Variants in PAPPA2 observed in about 807,000 individuals in gnomAD.
PAPPA2 encodes pappalysin-2.
Under a neutral mutation model 176.4 loss-of-function variants are expected in PAPPA2, and 86 were observed. That is an observed-to-expected ratio of 0.49 (90% CI 0.41 to 0.58). The LOEUF (loss-of-function observed/expected upper bound fraction) is 0.58. PAPPA2 is among the 20% of genes least tolerant of loss of function. The pLI is 0.00. For missense variants in PAPPA2, 2,073 were observed against 2,256.9 expected (o/e 0.92, Z 1.65); for synonymous variants, 809 against 852.2 (o/e 0.95, Z 0.88).
chr1:176,771,121 C>A lies in PAPPA2; in HGVS notation c.4656C>A (p.Cys1552Ter). Residue 1552 changes from cysteine to a stop codon, truncating the protein, a stop_gained, in exon 17 of 23, where the codon TGC becomes TGA. Coordinates refer to ENST00000367662, the MANE Select transcript of PAPPA2 (RefSeq NM_020318.3). LOFTEE classifies it high-confidence loss of function. ...ACAACCACGACGTGGGCACCATCTGCAAATATGAATGCAAACCAGGGTACT... is the reference window on the plus strand; with the variant it reads ...ACAACCACGACGTGGGCACCATCTGAAAATATGAATGCAAACCAGGGTACT... ...LQDNHDVGTI[C>*]KYECKPGYYV... is the part of the protein sequence containing the mutation. 1 of 1,614,124 alleles carries A rather than the reference C, an allele frequency of 6.2e-7. No homozygotes were observed. The highest frequency in any genetic ancestry group is 8.5e-7 in the Non-Finnish European group (1 of 1,180,016).
At chr1:176,692,054 A>T in intron 5 of PAPPA2, 72 bp from the exon 6 acceptor site, 1 of 1,444,296 alleles carries the variant, frequency 6.9e-7, no homozygotes, top group Non-Finnish European at 9.5e-7. Context: ...CAAGACACAA[A>T]TTTATCCCTG....
intron 2 of PAPPA2, among the ~76,000 whole-genome samples, chr1:176,593,980 G>C (rs17623634): frequency 0.15 from 23,557 of 152,148 alleles, 2,087 homozygotes; most frequent in South Asian, 0.27. Context: ...TGATGTCTGG[G>C]ATGTTACCAT....
chr1:176,556,782 A>C lies in PAPPA2; in HGVS notation c.460A>C (p.Lys154Gln). The C allele has an allele frequency of 6.2e-7, 1 of 1,614,156 alleles. No homozygotes were observed. Among genetic ancestry groups the C allele is most frequent in the Non-Finnish European group, 8.5e-7 (1 of 1,180,014 alleles). ...DDAYLGNQRS[K>Q]ESLGEAGIQK... ...CGCTTATCTCGGCAATCAAAGATCCAAGGAGTCTCTAGGTGAGGCCGGGAT... is the reference window on the plus strand; with the variant it reads ...CGCTTATCTCGGCAATCAAAGATCCCAGGAGTCTCTAGGTGAGGCCGGGAT... The change falls in exon 2 of 23, where the codon AAG becomes CAG. Residue 154 changes from lysine (K) to glutamine (Q), a missense_variant. By Grantham distance (53) the Lys-to-Gln change is moderately conservative. Coordinates refer to ENST00000367662, the MANE Select transcript of PAPPA2 (RefSeq NM_020318.3).
rs189613127 is a variant in PAPPA2, at chr1:176,512,740, G to A, written c.-916-42667G>A. On this transcript the variant is annotated intron_variant, in intron 1 of 22. Transcript: ENST00000367662. ...TTATTGAATTATGTACTTCAAATGG[G>A]CATTTTAGTTTATGAAAATCATTGT... 5.0e-4 allele frequency among the ~76,000 whole-genome samples: 76 copies of A among 152,098 alleles called. No individual in the cohort carries two copies. In the East Asian group the frequency reaches 0.014, roughly 29 times the overall value.
chr1:176,636,104 C>T (rs1349658216), intron 3 of PAPPA2, among the ~76,000 whole-genome samples: 2 of 152,048 alleles, frequency 1.3e-5, no homozygotes, highest in Non-Finnish European at 2.9e-5. Flanking sequence ...AAATGGCTTC[C>T]CCTTGATGCA....
intron 3 of PAPPA2, 118 bp from the exon 4 acceptor site, chr1:176,670,852 C>A: frequency 2.3e-6 from 3 of 1,299,930 alleles, no homozygotes; most frequent in Admixed American, 1.9e-5. Context: ...CTGCCCCATG[C>A]CCCTCCAAAA....
intron 1 of PAPPA2, among the ~76,000 whole-genome samples, chr1:176,496,212 A>G (rs1647611143): frequency 6.6e-6 from 1 of 152,194 alleles, no homozygotes; most frequent in Non-Finnish European, 1.5e-5. Context: ...ATTTAGCATT[A>G]GGTATATCTC....
intron 3 of PAPPA2, among the ~76,000 whole-genome samples, chr1:176,658,614 T>A (rs1032422827): frequency 4.5e-4 from 69 of 151,888 alleles, no homozygotes; most frequent in African/African-American, 1.6e-3. Context: ...TGAATGTCAG[T>A]TAGAATTTTG....
chr1:176,634,195 A>C (rs546154575), intron 3 of PAPPA2, among the ~76,000 whole-genome samples: 20 of 152,336 alleles, frequency 1.3e-4, no homozygotes, highest in African/African-American at 4.1e-4. Context: ...AACCAACCCA[A>C]ATGCCCAAAA....
At position 176,557,102 on chromosome 1, in the gene PAPPA2, G is replaced by T; in HGVS notation, c.780G>T (p.Leu260=). 1 of 1,614,030 alleles carries T rather than the reference G, an allele frequency of 6.2e-7. No individual in the cohort carries two copies. The change falls in exon 2 of 23, where the codon CTG becomes CTT. Residue 260 remains leucine (L), a synonymous_variant. Coordinates refer to ENST00000367662, the MANE Select transcript of PAPPA2 (RefSeq NM_020318.3). ...EAETFNSQVG[L]PILYFSGRRE... ...AGACCTTTAACTCCCAAGTAGGACT[G>T]CCCATCTTATACTTCTCTGGGAGGC...
chr1:176,478,894 C>T (rs939993351), intron 1 of PAPPA2, among the ~76,000 whole-genome samples: 4 of 152,156 alleles, frequency 2.6e-5, no homozygotes, highest in African/African-American at 7.2e-5. Context: ...ATTTATGTCA[C>T]GGGAGTTAAA....
intron 3 of PAPPA2, among the ~76,000 whole-genome samples, chr1:176,620,589 AAGC>A (rs1655530087): frequency 6.6e-6 from 1 of 152,226 alleles, no homozygotes; most frequent in Non-Finnish European, 1.5e-5. Context: ...TGTAGTATGA[AAGC>A]AGTCACAAAC....
intron 20 of PAPPA2, among the ~76,000 whole-genome samples, chr1:176,796,782 CT>C (rs1424066305): frequency 6.8e-6 from 1 of 147,214 alleles, no homozygotes; most frequent in Non-Finnish European, 1.5e-5. Context: ...TTCTTCCCTT[CT>C]TTCTGTCTTT....
chr1:176,630,353 A>T (rs1246462528), intron 3 of PAPPA2, among the ~76,000 whole-genome samples: 1 of 152,228 alleles, frequency 6.6e-6, no homozygotes, highest in African/African-American at 2.4e-5. Flanking sequence ...AGAAGTTTGT[A>T]CAAAAGCACA....
At chr1:176,803,522 G>C (rs1395021671) in intron 21 of PAPPA2, among the ~76,000 whole-genome samples, 2 of 152,150 alleles carry the variant, frequency 1.3e-5, no homozygotes, top group African/African-American at 2.4e-5. Context: ...AAATGACTTG[G>C]AGACATCGAT....
At chr1:176,828,807 G>T (rs1666958662) in intron 21 of PAPPA2, among the ~76,000 whole-genome samples, 1 of 151,830 alleles carries the variant, frequency 6.6e-6, no homozygotes, top group Non-Finnish European at 1.5e-5. Flanking sequence ...TTCGAGACCA[G>T]CCTGGCCAAC....
At chr1:176,596,078 G>C (rs1653961905) in intron 3 of PAPPA2, among the ~76,000 whole-genome samples, 4 of 152,366 alleles carry the variant, frequency 2.6e-5, no homozygotes, top group Middle Eastern at 3.4e-3. Context: ...CAGTTCAGCA[G>C]TTTCGTAAAG....
intron 1 of PAPPA2, among the ~76,000 whole-genome samples, chr1:176,520,043 T>C (rs576283424): frequency 2.0e-5 from 3 of 152,286 alleles, no homozygotes; most frequent in African/African-American, 7.2e-5. Flanking sequence ...GTCTTAGAAG[T>C]TGGCTCAGGT....
chr1:176,793,421 G>T, intron 19 of PAPPA2, 139 bp from the exon 20 acceptor site: 1 of 680,750 alleles, frequency 1.5e-6, no homozygotes, highest in Non-Finnish European at 2.5e-6. Context: ...ATGAATATCA[G>T]CCCTGCCTAC....
Sources: allele counts gnomAD v4.1 joint callset (sites outside exome capture counted in the v4.1 genomes callset), GRCh38; gene constraint gnomAD v4.1.1; transcripts MANE v1.5; gene names NCBI Gene and HGNC (gene_info 2026-07-23, HGNC 2026-07-21).